RYR2: variants seen among roughly 807,000 people sequenced by gnomAD.
RYR2 encodes the protein cardiac muscle ryanodine receptor-calcium release channel.
Under a neutral mutation model 601.1 loss-of-function variants are expected in RYR2, and 227 were observed. That is an observed-to-expected ratio of 0.38 (90% confidence interval 0.34 to 0.42). The LOEUF (loss-of-function observed/expected upper bound fraction) is 0.42. RYR2 is among the 10% of genes least tolerant of loss of function. The pLI is 1.00. For missense variants in RYR2, 4,646 were observed against 6,156.5 expected (o/e 0.75, Z 8.21); for synonymous variants, 2,223 against 2,175.1 (o/e 1.02, Z -0.61).
chr1:237,094,411 A>T (rs557927693), intron 1 of RYR2, among the ~76,000 whole-genome samples: 10 of 152,318 alleles, frequency 6.6e-5, no homozygotes, highest in Non-Finnish European at 1.5e-4. Flanking sequence ...CAAAAACCAT[A>T]GTATCGTTTC....
rs1558263208 is a variant in RYR2 at position 237,709,077 on chromosome 1, T to C, written c.10121T>C (p.Ile3374Thr). Residue 3374 changes from isoleucine (I) to threonine (T), a missense_variant, in exon 69 of 105, where the codon ATT becomes ACT. Coordinates refer to ENST00000366574, the MANE Select transcript of RYR2 (RefSeq NM_001035.3). Reference sequence around the variant, plus strand: ...CTCTATGCCTTCTACCCTCTCTTGATTAGATTTGTGGACTATAACAGGTAT... The same window carrying C: ...CTCTATGCCTTCTACCCTCTCTTGACTAGATTTGTGGACTATAACAGGTAT... The part of the protein sequence containing the change: ...RDLYAFYPLL[I>T]RFVDYNRAKW... 2 of 1,590,812 alleles carry C rather than the reference T, an allele frequency of 1.3e-6. No homozygotes were observed. The highest frequency in any genetic ancestry group is 1.7e-6 in the Non-Finnish European group (2 of 1,167,482).
rs561585118 is a variant in RYR2, at chr1:237,472,062, G to A, written c.1708+2875G>A. 5.9e-4 allele frequency among the ~76,000 whole-genome samples: 90 copies of A among 152,156 alleles called. 1 individual carries two copies. Among genetic ancestry groups the A allele is most frequent in the Non-Finnish European group, 1.1e-3 (78 of 67,990 alleles). On this transcript the variant is annotated intron_variant, in intron 17 of 104. Transcript: ENST00000366574. ...TTAAGTATCTAAAATATATTTTGCT[G>A]AACAATTTTTTCTACTGTAGTTAAC...
At chr1:237,470,309 GA>G in intron 17 of RYR2, among the ~76,000 whole-genome samples, 1 of 152,266 alleles carries the variant, frequency 6.6e-6, no homozygotes, top group Admixed American at 6.5e-5. Context: ...AAATAGTTCT[GA>G]GACTTTTGCA....
chr1:237,633,772 G>A, intron 43 of RYR2, 62 bp downstream of exon 43: 3 of 1,477,860 alleles, frequency 2.0e-6, no homozygotes, highest in Non-Finnish European at 2.7e-6. Flanking sequence ...CATTTAAAAA[G>A]CAAACGTTTT....
At chr1:237,648,750 A>G in intron 49 of RYR2, 137 bp downstream of exon 49, 4 of 1,034,216 alleles carry the variant, frequency 3.9e-6, no homozygotes, top group South Asian at 1.9e-5. Context: ...CAGGTAAGCC[A>G]TGGGTAAACA....
At chr1:237,262,421 A>G (rs1688635979) in intron 1 of RYR2, among the ~76,000 whole-genome samples, 1 of 151,698 alleles carries the variant, frequency 6.6e-6, no homozygotes, top group Non-Finnish European at 1.5e-5. Flanking sequence ...ATGCCCAGCT[A>G]ATTTTTTCTA....
chr1:237,620,193 G>A (rs1338589905), intron 38 of RYR2, among the ~76,000 whole-genome samples: 1 of 152,054 alleles, frequency 6.6e-6, no homozygotes, highest in Admixed American at 6.6e-5. Flanking sequence ...GAACAGAAAG[G>A]GAGATAAGGT....
chr1:237,236,241 C>A (rs544509060), intron 1 of RYR2, among the ~76,000 whole-genome samples: 1 of 152,328 alleles, frequency 6.6e-6, no homozygotes, highest in African/African-American at 2.4e-5. Context: ...TGGCTCACCT[C>A]TCCTTTGCTC....
chr1:237,346,555 C>G (rs1215329163), intron 3 of RYR2, among the ~76,000 whole-genome samples: 1 of 151,912 alleles, frequency 6.6e-6, no homozygotes, highest in Non-Finnish European at 1.5e-5. Flanking sequence ...TTTCTAAACC[C>G]TTTCCTTGTA....
intron 25 of RYR2, among the ~76,000 whole-genome samples, chr1:237,542,146 T>A (rs1009496003): frequency 6.6e-6 from 1 of 152,004 alleles, no homozygotes; most frequent in South Asian, 2.1e-4. Flanking sequence ...CAGGCTGGAG[T>A]GCGATGGCGC....
chr1:237,091,220 C>T (rs774647036), intron 1 of RYR2, among the ~76,000 whole-genome samples: 35 of 152,296 alleles, frequency 2.3e-4, no homozygotes, highest in Non-Finnish European at 3.7e-4. Context: ...CCCAGAAACA[C>T]AATTGGCAGC....
intron 51 of RYR2, among the ~76,000 whole-genome samples, chr1:237,653,160 A>G (rs1213807054): frequency 6.6e-6 from 1 of 152,220 alleles, no homozygotes; most frequent in East Asian, 1.9e-4. Flanking sequence ...GTGAAAATGT[A>G]AGGAGCAACG....
intron 80 of RYR2, among the ~76,000 whole-genome samples, chr1:237,744,722 A>AAAAG: frequency 6.6e-6 from 1 of 151,720 alleles, no homozygotes; most frequent in African/African-American, 2.4e-5. Flanking sequence ...CTTTTTTTAA[A>AAAAG]AAAAAAAAAA....
intron 62 of RYR2, 89 bp from the exon 63 acceptor site, chr1:237,687,366 C>G: frequency 7.8e-6 from 2 of 257,684 alleles, no homozygotes; most frequent in Non-Finnish European, 7.1e-6. Flanking sequence ...TTTTCTTCTT[C>G]TTTTTTTTTT....
intron 55 of RYR2, 36 bp from the exon 56 acceptor site, chr1:237,660,774 T>C (rs1449639572): frequency 6.6e-7 from 1 of 1,515,204 alleles, no homozygotes; most frequent in Non-Finnish European, 8.9e-7. Flanking sequence ...TTTACATTCA[T>C]AATATATCTG....
intron 80 of RYR2, chr1:237,755,258 C>A: frequency 2.7e-6 from 1 of 373,716 alleles, no homozygotes. Flanking sequence ...ATTTTTTAAA[C>A]CTCTTCCATC....
Position 237,222,358 on chromosome 1 carries a change from A to G in RYR2, c.49-48139A>G, listed in dbSNP as rs1683905874. Among the ~76,000 whole-genome samples, 5 of 151,548 alleles carry G rather than the reference A, an allele frequency of 3.3e-5. No homozygotes were observed. In the South Asian group the frequency reaches 1.0e-3, roughly 32 times the overall value. ...AACCTGGGAGGCGGAGCTTGCAGTG[A>G]GCCAATATCGCACCACTGAACTCCA... On this transcript the variant is annotated intron_variant, in intron 1 of 104. Coordinates refer to ENST00000366574, the MANE Select transcript of RYR2 (RefSeq NM_001035.3).
At chr1:237,277,687 G>T (rs891610300) in intron 2 of RYR2, among the ~76,000 whole-genome samples, 18 of 152,212 alleles carry the variant, frequency 1.2e-4, no homozygotes, top group Admixed American at 1.2e-3. Flanking sequence ...GGGTCTGGTG[G>T]CATGTGCCTG....
In RYR2 at chr1:237,684,229, C is replaced by T. The variant is rs1686160108; in HGVS notation, c.9018-3226C>T. 1.3e-5 allele frequency among the ~76,000 whole-genome samples: 2 copies of T among 152,122 alleles called. 1 individual carries two copies. The highest frequency in any genetic ancestry group is 1.3e-4 in the Admixed American group (2 of 15,274). On this transcript the variant is annotated intron_variant, in intron 62 of 104. Coordinates refer to ENST00000366574, the MANE Select transcript of RYR2 (RefSeq NM_001035.3). ...GGGATTACAAGCATGAACCACCGTG[C>T]CCGGCCTCGTTCAGATATTTCTGAA... is the stretch of plus-strand genomic sequence containing the variant.
Sources: gnomAD v4.1 joint callset for allele counts (sites outside exome capture counted in the v4.1 genomes callset) on GRCh38, gnomAD v4.1.1 for gene constraint, MANE v1.5 for transcripts, NCBI Gene and HGNC (gene_info 2026-07-23, HGNC 2026-07-21) for gene names.